UBE2E2: variants seen among roughly 807,000 people sequenced by gnomAD.
The protein encoded by UBE2E2 is ubiquitin conjugating enzyme E2 E2, also known as ubiquitin-conjugating enzyme E2 E2.
In UBE2E2, 6 loss-of-function variants were observed where a neutral mutation model predicts 24.7. The observed-to-expected ratio is 0.24, with a 90% CI of 0.13 to 0.48. The LOEUF is 0.48. Ranked by LOEUF, UBE2E2 falls within the 20% of genes least tolerant of loss-of-function variation. The pLI, the probability that UBE2E2 is intolerant of heterozygous loss-of-function variation, is 0.99. For synonymous variants in UBE2E2, 104 were observed against 83.6 expected, an observed-to-expected ratio of 1.24 and a Z score of -1.33; for missense variants, 169 against 245.0, an observed-to-expected ratio of 0.69 and a Z score of 2.07.
intron 3 of UBE2E2, among the ~76,000 whole-genome samples, chr3:23,377,667 A>C (rs1696554430): frequency 2.0e-5 from 3 of 152,194 alleles, no homozygotes; most frequent in Non-Finnish European, 1.5e-5. Context: ...AGTTGTAAGA[A>C]TTTCCCTGTT....
At chr3:23,284,474 G>GC (rs2125373861) in intron 3 of UBE2E2, among the ~76,000 whole-genome samples, 1 of 152,108 alleles carries the variant, frequency 6.6e-6, no homozygotes, top group Admixed American at 6.5e-5. Flanking sequence ...ACTCCCCAAG[G>GC]CAACTTGGAA....
intron 4 of UBE2E2, among the ~76,000 whole-genome samples, chr3:23,517,984 T>TC (rs1303752750): frequency 2.6e-5 from 4 of 152,210 alleles, no homozygotes; most frequent in Non-Finnish European, 5.9e-5. Context: ...ATTTTTTTTT[T>TC]CACACAATTC....
intron 3 of UBE2E2, among the ~76,000 whole-genome samples, chr3:23,260,077 G>A (rs930944281): frequency 6.6e-6 from 1 of 152,146 alleles, no homozygotes; most frequent in African/African-American, 2.4e-5. Context: ...TCACAATGGT[G>A]TCCTAGATGT....
chr3:23,580,197 T>G (rs1403219163), intron 5 of UBE2E2, among the ~76,000 whole-genome samples: 1 of 152,244 alleles, frequency 6.6e-6, no homozygotes, highest in Non-Finnish European at 1.5e-5. Flanking sequence ...TTAAGAGGCT[T>G]GATTCCGATT....
intron 3 of UBE2E2, among the ~76,000 whole-genome samples, chr3:23,311,023 A>T (rs967702678): frequency 6.6e-5 from 10 of 151,962 alleles, no homozygotes; most frequent in Non-Finnish European, 1.2e-4. Context: ...CCACCCCACG[A>T]TGGGCCCTGG....
intron 3 of UBE2E2, among the ~76,000 whole-genome samples, chr3:23,217,951 T>C (rs1228025661): frequency 6.6e-6 from 1 of 152,168 alleles, no homozygotes; most frequent in African/African-American, 2.4e-5. Context: ...TCTTACCTTA[T>C]GCTGCTGCTT....
intron 3 of UBE2E2, among the ~76,000 whole-genome samples, chr3:23,478,892 A>T (rs1367284680): frequency 5.6e-5 from 2 of 35,766 alleles, no homozygotes; most frequent in African/African-American, 1.1e-4. Context: ...ATATATATAT[A>T]TATATTTTTT....
chr3:23,539,192 G>T (rs1390820886), intron 5 of UBE2E2, among the ~76,000 whole-genome samples: 2 of 152,108 alleles, frequency 1.3e-5, no homozygotes, highest in African/African-American at 4.8e-5. Flanking sequence ...TGCTTTGTGT[G>T]GGCAAGTCTT....
intron 3 of UBE2E2, among the ~76,000 whole-genome samples, chr3:23,310,804 T>C (rs1454192557): frequency 6.6e-6 from 1 of 152,158 alleles, no homozygotes; most frequent in Non-Finnish European, 1.5e-5. Context: ...CAGAGCTGTG[T>C]GAAACATCAC....
At chr3:23,375,826 T>G (rs576926404) in intron 3 of UBE2E2, among the ~76,000 whole-genome samples, 82 of 152,310 alleles carry the variant, frequency 5.4e-4, no homozygotes, top group African/African-American at 1.9e-3. Flanking sequence ...TTCACTCTTG[T>G]TGCAGTTATT....
In UBE2E2 at chr3:23,368,215, T is replaced by G. The variant is rs2125337802; in HGVS notation, c.228-131393T>G. 1.3e-5 allele frequency among the ~76,000 whole-genome samples: 2 copies of G among 152,286 alleles called. 1 individual carries two copies. The highest frequency in any genetic ancestry group is 4.1e-4 in the South Asian group (2 of 4,822). ...ACTTCATAAAAATTATAATCCTAAT[T>G]TAGAAACCAGGTAGATTGTGAAATG... On this transcript the variant is annotated intron_variant, in intron 3 of 5. Transcript: ENST00000396703.
intron 3 of UBE2E2, among the ~76,000 whole-genome samples, chr3:23,279,180 A>G (rs192322723): frequency 6.6e-6 from 1 of 152,300 alleles, no homozygotes; most frequent in Admixed American, 6.5e-5. Flanking sequence ...CAGGTAATAA[A>G]TGGACAGATT....
At chr3:23,526,576 G>A (rs765139218) in intron 4 of UBE2E2, among the ~76,000 whole-genome samples, 4 of 152,150 alleles carry the variant, frequency 2.6e-5, no homozygotes, top group Non-Finnish European at 5.9e-5. Context: ...CCTACTGCAA[G>A]TATAGTATTG....
chr3:23,428,665 C>T (rs1460408639), intron 3 of UBE2E2, among the ~76,000 whole-genome samples: 1 of 152,014 alleles, frequency 6.6e-6, no homozygotes, highest in East Asian at 1.9e-4. Flanking sequence ...AGAAGACACA[C>T]GTTACTAACA....
chr3:23,453,088 C>T (rs556559424), intron 3 of UBE2E2, among the ~76,000 whole-genome samples: 1 of 152,242 alleles, frequency 6.6e-6, no homozygotes, highest in Admixed American at 6.5e-5. Context: ...GAGCATTTGG[C>T]AGTGGGGAAA....
At chr3:23,389,280 G>A (rs1696881780) in intron 3 of UBE2E2, among the ~76,000 whole-genome samples, 2 of 152,200 alleles carry the variant, frequency 1.3e-5, no homozygotes, top group African/African-American at 4.8e-5. Flanking sequence ...ATTTGCTCAA[G>A]CAAGCTCTGT....
chr3:23,502,900 A>C (rs1699754973), intron 4 of UBE2E2, among the ~76,000 whole-genome samples: 1 of 152,154 alleles, frequency 6.6e-6, no homozygotes, highest in Non-Finnish European at 1.5e-5. Flanking sequence ...CTTGTATGAC[A>C]TTGTCCATTG....
At chr3:23,548,237 G>C (rs1695567831) in intron 5 of UBE2E2, among the ~76,000 whole-genome samples, 1 of 152,082 alleles carries the variant, frequency 6.6e-6, no homozygotes, top group Non-Finnish European at 1.5e-5. Flanking sequence ...TTCACAACTA[G>C]AACATCATAT....
intron 3 of UBE2E2, among the ~76,000 whole-genome samples, chr3:23,396,164 C>G (rs994571766): frequency 2.0e-5 from 3 of 151,162 alleles, no homozygotes; most frequent in East Asian, 1.9e-4. Context: ...ATAATTTCTT[C>G]TAGTATATGG....
Sources: allele counts gnomAD v4.1 joint callset (sites outside exome capture counted in the v4.1 genomes callset), GRCh38; gene constraint gnomAD v4.1.1; transcripts MANE v1.5; gene names NCBI Gene and HGNC (gene_info 2026-07-23, HGNC 2026-07-21).